MPRIP: variants seen among roughly 807,000 people sequenced by gnomAD.
MPRIP encodes the protein myosin phosphatase Rho-interacting protein.
MPRIP carries 59 observed loss-of-function variants against 234.9 expected under a neutral mutation model. That is an observed-to-expected ratio of 0.25 (90% CI 0.20 to 0.31). MPRIP has a LOEUF of 0.31. Among genes scored for constraint, MPRIP ranks in the 10% least tolerant of loss-of-function variants. The pLI is 1.00. For missense variants in MPRIP, 2,436 were observed against 3,071.0 expected, an observed-to-expected ratio of 0.79 and a Z score of 4.89; for synonymous variants, 1,144 against 1,263.9, an observed-to-expected ratio of 0.91 and a Z score of 2.01.
chr17:17,106,925 G>A (rs1348238357), intron 3 of MPRIP, among the ~76,000 whole-genome samples: 3 of 152,190 alleles, frequency 2.0e-5, no homozygotes, highest in African/African-American at 7.2e-5. Flanking sequence ...CCAAGATAAC[G>A]ACTTCTTTCC....
Position 17,138,502 on chromosome 17 carries a change from ACT to A in MPRIP, c.1250+78_1250+79del, listed in dbSNP as rs1412958268. 2 of 162,328 alleles carry A rather than the reference ACT, an allele frequency of 1.2e-5. No homozygotes were observed. Among genetic ancestry groups the A allele is most frequent in the African/African-American group, 4.8e-5 (2 of 41,650 alleles). 10.1% of individuals were successfully genotyped at this position (162,328 alleles called of 1,614,324 possible). On this transcript the variant is annotated intron_variant, in intron 7 of 23. Transcript: ENST00000651222. The surrounding 1 kb of genome is among the most constrained non-coding windows in gnomAD (Gnocchi z 5.8). ...CTTCCACCCACGCACATACACTCAT[ACT>A]CTCTGTTTCTCTCACATACAGTCCC... is the stretch of plus-strand genomic sequence containing the variant.
At chr17:17,161,432 A>G in intron 15 of MPRIP, 76 bp downstream of exon 15, 1 of 1,089,820 alleles carries the variant, frequency 9.2e-7, no homozygotes, top group South Asian at 1.8e-5. Context: ...CAGGCAGGCT[A>G]GGAGTGTGCA....
At chr17:17,082,289 T>C (rs2144085309) in intron 3 of MPRIP, among the ~76,000 whole-genome samples, 1 of 133,534 alleles carries the variant, frequency 7.5e-6, no homozygotes, top group Non-Finnish European at 1.6e-5. Context: ...TTTCCAATTT[T>C]TTTTTTTTTT....
chr17:17,084,120 G>T (rs1211360769), intron 3 of MPRIP, among the ~76,000 whole-genome samples: 1 of 152,154 alleles, frequency 6.6e-6, no homozygotes, highest in Non-Finnish European at 1.5e-5. Context: ...CCTCCTTGGT[G>T]CTGAGGCACC....
At position 17,138,825 on chromosome 17, in the gene MPRIP, C is replaced by T. The variant is rs972315180; in HGVS notation, c.1250+396C>T. Among the ~76,000 whole-genome samples the T allele has an allele frequency of 6.6e-6, 1 of 152,116 alleles. No individual in the cohort carries two copies. Among genetic ancestry groups the T allele is most frequent in the Non-Finnish European group, 1.5e-5 (1 of 68,010 alleles). ...AGCTACATGTGGTGACAGAGGCGCT[C>T]CTCACCCTGGCAGTCCCAGGGTGGG... On this transcript the variant is annotated intron_variant, in intron 7 of 23. Coordinates refer to ENST00000651222, the MANE Select transcript of MPRIP (RefSeq NM_001364716.4). This position sits in a 1 kb window ranked among gnomAD's most constrained non-coding sequence, Gnocchi z 5.8.
chr17:17,090,791 CGTTGAGCCACAG>C (rs773144143), intron 3 of MPRIP, among the ~76,000 whole-genome samples: 7 of 152,126 alleles, frequency 4.6e-5, no homozygotes, highest in African/African-American at 7.2e-5. Flanking sequence ...GGGGGTTTTG[CGTTGAGCCACAG>C]GTTGGAGACC....
At chr17:17,089,700 G>A (rs1335572489) in intron 3 of MPRIP, among the ~76,000 whole-genome samples, 1 of 152,040 alleles carries the variant, frequency 6.6e-6, no homozygotes, top group Non-Finnish European at 1.5e-5. Flanking sequence ...CGTGAGAAAC[G>A]GGGAAAGGAA....
rs1343296831 is a variant in MPRIP, at chr17:17,190,977, C to CT, written c.*6085dup. ...AGTTTGTATGGGTTTTTAAAAAAAT[C>CT]TTAGACACCCCTTTTTAAGATGGGG... On this transcript the variant is annotated 3_prime_UTR_variant, in exon 24 of 24. Coordinates refer to ENST00000651222, the MANE Select transcript of MPRIP (RefSeq NM_001364716.4). 3 of 152,116 alleles carry CT rather than the reference C, an allele frequency of 2.0e-5. No homozygotes were observed. The highest frequency in any genetic ancestry group is 7.2e-5 in the African/African-American group (3 of 41,414). The allele number at this position is 152,116 out of a possible 1,614,324, so 9.4% of individuals were successfully genotyped here. A position where few individuals can be genotyped will look rare whatever the true frequency, so the allele number is the denominator to read the frequency against.
rs1303031761 is a variant in MPRIP, at chr17:17,185,941, C to T, written c.*1047C>T. ...TGAGCTCTGAAAACCTATCTTGCAGCATTTATCTTTAAAAGAGCCTGGTTA... is the reference window on the plus strand; with the variant it reads ...TGAGCTCTGAAAACCTATCTTGCAGTATTTATCTTTAAAAGAGCCTGGTTA... On this transcript the variant is annotated 3_prime_UTR_variant, in exon 24 of 24. Transcript: ENST00000651222. 2 of 157,352 alleles carry T rather than the reference C, an allele frequency of 1.3e-5. No homozygotes were observed. Among genetic ancestry groups the T allele is most frequent in the Non-Finnish European group, 2.8e-5 (2 of 71,504 alleles). 9.7% of individuals were successfully genotyped at this position (157,352 alleles called of 1,614,324 possible).
chr17:17,087,419 C>T lies in MPRIP; in HGVS notation c.267+9343C>T, dbSNP rs995635730. Among the ~76,000 whole-genome samples, 17 of 152,280 alleles carry T rather than the reference C, an allele frequency of 1.1e-4. 1 individual carries two copies. In the South Asian group the frequency reaches 2.9e-3, roughly 26 times the overall value. ...CTGTACCTCCAGTGTTGGAGTCATA[C>T]GTGGATGGCTGAGCCCTGTAGAGGG... On this transcript the variant is annotated intron_variant, in intron 3 of 23. Transcript: ENST00000651222.
At chr17:17,126,261 C>A (rs2090488115) in intron 3 of MPRIP, among the ~76,000 whole-genome samples, 1 of 152,190 alleles carries the variant, frequency 6.6e-6, no homozygotes. Flanking sequence ...GTGCACCCAC[C>A]CCACAGCCTG....
chr17:17,050,896 T>C (rs1953401797), intron 1 of MPRIP, among the ~76,000 whole-genome samples: 2 of 152,248 alleles, frequency 1.3e-5, no homozygotes, highest in African/African-American at 2.4e-5. Context: ...TCCAGTATTA[T>C]GTAATTGCAC....
In MPRIP at chr17:17,142,545, G is replaced by T; in HGVS notation, c.1251-82G>T. The T allele has an allele frequency of 2.0e-6, 3 of 1,521,680 alleles. No individual in the cohort carries two copies. In the Admixed American group the frequency reaches 5.3e-5, roughly 27 times the overall value. The allele number at this position is 1,521,680 out of a possible 1,614,324, so 94.3% of individuals were successfully genotyped here. A position where few individuals can be genotyped will look rare whatever the true frequency, so the allele number is the denominator to read the frequency against. On this transcript the variant is annotated intron_variant, in intron 7 of 23. Transcript: ENST00000651222. The stretch of plus-strand genomic sequence containing the variant: ...CTGAGGGGAATCAGGCCCGGGCCAG[G>T]CCGGGCATGGGAGGAGTCGGCTCAC...
chr17:17,172,724 C>T lies in MPRIP; in HGVS notation c.6499C>T (p.Arg2167Trp), dbSNP rs754369248. 6.2e-7 allele frequency: 1 copy of T among 1,611,618 alleles called. No homozygotes were observed. The change falls in exon 18 of 24, where the codon CGG becomes TGG. Residue 2167 changes from arginine (R) to tryptophan (W), a missense_variant. Arg to Trp is a moderately radical substitution (Grantham distance 101). Coordinates refer to ENST00000651222, the MANE Select transcript of MPRIP (RefSeq NM_001364716.4). ...SAIEAMKNAH[R>W]EEMERELEKS... is the part of the protein sequence containing the mutation. The stretch of plus-strand genomic sequence containing the variant: ...CATCGAAGCCATGAAGAACGCCCAC[C>T]GGGAGGAAATGGAGCGGGAGCTGGA...
In MPRIP at chr17:17,122,139, G is replaced by A. The variant is rs58792748; in HGVS notation, c.268-4563G>A. 7.1e-3 allele frequency among the ~76,000 whole-genome samples: 1,082 copies of A among 152,178 alleles called. 33 individuals carry two copies. The highest frequency in any genetic ancestry group is 0.059 in the East Asian group (305 of 5,170). ...TACATATGCATGTGTCTTTATAATA[G>A]AATGACTTATATTCCTTTGGGTATA... On this transcript the variant is annotated intron_variant, in intron 3 of 23. Coordinates refer to ENST00000651222, the MANE Select transcript of MPRIP (RefSeq NM_001364716.4).
At chr17:17,176,332 A>G (rs2046252596) in intron 20 of MPRIP, 94 bp from the exon 21 acceptor site, 3 of 932,058 alleles carry the variant, frequency 3.2e-6, no homozygotes, top group South Asian at 1.3e-5. Flanking sequence ...CTCACTGGTG[A>G]TTGGAGAGCC....
chr17:17,083,727 G>T (rs1394424597), intron 3 of MPRIP, among the ~76,000 whole-genome samples: 6 of 151,974 alleles, frequency 3.9e-5, no homozygotes, highest in Admixed American at 1.3e-4. Flanking sequence ...GTGTTTTTTT[G>T]TTGTTGTTTT....
rs1597471464 is a variant in MPRIP at position 17,154,348 on chromosome 17, A to T, written c.1762A>T (p.Ile588Phe). ...EFTLSAMTSG[I>F]RRNWIQTIMK... ...TACCCTGTCGGCCATGACATCTGGG[A>T]TTCGGCGGAACTGGATCCAGACCAT... Residue 588 changes from isoleucine to phenylalanine, a missense_variant, in exon 13 of 24, where the codon ATT (isoleucine) becomes TTT (phenylalanine). This residue lies in a region of MPRIP where 1,998 missense variants were observed against 2,520.3 expected (regional missense o/e 0.79). Transcript: ENST00000651222. 6.2e-7 allele frequency: 1 copy of T among 1,614,064 alleles called. No homozygotes were observed. The highest frequency in any genetic ancestry group is 8.5e-7 in the Non-Finnish European group (1 of 1,180,044).
Position 17,138,949 on chromosome 17 carries a change from G to GC in MPRIP, c.1250+524dup, listed in dbSNP as rs1327448411. ...AGGACATGCTCCCTGGGGAGCCACA[G>GC]CCCCAGGAAACCTGAGGCAACCTGT... On this transcript the variant is annotated intron_variant, in intron 7 of 23. Coordinates refer to ENST00000651222, the MANE Select transcript of MPRIP (RefSeq NM_001364716.4). The surrounding 1 kb of genome is among the most constrained non-coding windows in gnomAD (Gnocchi z 5.8). Among the ~76,000 whole-genome samples, 1 of 152,246 alleles carries GC rather than the reference G, an allele frequency of 6.6e-6. No individual in the cohort carries two copies. The highest frequency in any genetic ancestry group is 2.4e-5 in the African/African-American group (1 of 41,468).
Sources: allele counts gnomAD v4.1 joint callset (sites outside exome capture counted in the v4.1 genomes callset), GRCh38; gene constraint gnomAD v4.1.1; regional missense constraint gnomAD v4.1.1; non-coding constraint Gnocchi (gnomAD v3.1); transcripts MANE v1.5; gene names NCBI Gene and HGNC (gene_info 2026-07-23, HGNC 2026-07-21).